P2RX4: variants seen among roughly 807,000 people sequenced by gnomAD.
P2RX4 encodes the protein P2X purinoceptor 4.
In P2RX4, 37 loss-of-function variants were observed where a neutral mutation model predicts 48.0. The ratio of observed to expected loss-of-function variants is 0.77; its 90% CI spans 0.59 to 1.01. P2RX4 has a LOEUF of 1.01. Ranked by LOEUF, P2RX4 falls within the 50% of genes least tolerant of loss-of-function variation. P2RX4 has a pLI of 0.00. For missense variants in P2RX4, 501 were observed against 521.4 expected (o/e 0.96, Z 0.38); for synonymous variants, 200 against 199.7 (o/e 1.00, Z -0.01).
intron 1 of P2RX4, chr12:121,212,822 A>ATTTTTTTTTTT (rs1358375217): frequency 7.0e-5 from 3 of 42,806 alleles, no homozygotes; most frequent in African/African-American, 1.4e-4. Flanking sequence ...ATATATATAT[A>ATTTTTTTTTTT]TATTTTTTTT....
Position 121,231,418 on chromosome 12 carries a change from C to T in P2RX4, c.885-996C>T, listed in dbSNP as rs554634079. 3.9e-4 allele frequency among the ~76,000 whole-genome samples: 59 copies of T among 152,198 alleles called. 1 individual carries two copies. The Middle Eastern group carries it at 0.01, about 26-fold the overall frequency. ...GGCTTCACCACAGTCGATTTTAGAA[C>T]ATTTCCGTCATCTCAAAAAGAAACC... On this transcript the variant is annotated intron_variant, in intron 8 of 11. Coordinates refer to ENST00000337233, the MANE Select transcript of P2RX4 (RefSeq NM_002560.3).
At chr12:121,219,784 T>G (rs997614052) in intron 2 of P2RX4, among the ~76,000 whole-genome samples, 1 of 151,808 alleles carries the variant, frequency 6.6e-6, no homozygotes, top group South Asian at 2.1e-4. Flanking sequence ...AGATAGGTGA[T>G]AGATAATCGA....
At chr12:121,223,121 T>C in intron 5 of P2RX4, 78 bp downstream of exon 5, 1 of 887,954 alleles carries the variant, frequency 1.1e-6, no homozygotes, top group Non-Finnish European at 1.8e-6. Flanking sequence ...TATCCCAGGT[T>C]GGAGTGCAGT....
intron 5 of P2RX4, among the ~76,000 whole-genome samples, chr12:121,227,303 C>T (rs1413760744): frequency 6.6e-6 from 1 of 152,202 alleles, no homozygotes; most frequent in Non-Finnish European, 1.5e-5. Flanking sequence ...AAGGGTTAGC[C>T]ATACAGTGCC....
In P2RX4 at chr12:121,234,093, C is replaced by A. The variant is rs562202345; in HGVS notation, c.*544C>A. On this transcript the variant is annotated 3_prime_UTR_variant, in exon 12 of 12. Transcript: ENST00000337233. Reference sequence around the variant, plus strand: ...GGTGATCGAGGACCAGACATTAAAGCGTGATTTTCTTAATCCCTGTCTGTT... The same window carrying A: ...GGTGATCGAGGACCAGACATTAAAGAGTGATTTTCTTAATCCCTGTCTGTT... 1 of 158,124 alleles carries A rather than the reference C, an allele frequency of 6.3e-6. No homozygotes were observed. Among genetic ancestry groups the A allele is most frequent in the South Asian group, 1.9e-4 (1 of 5,318 alleles). 9.8% of individuals were successfully genotyped at this position (158,124 alleles called of 1,614,324 possible).
In P2RX4 at chr12:121,210,311, CCG is replaced by C. The variant is rs1885733843; in HGVS notation, c.134+18_134+19del. ...CCTACGTCATCGGGTGAGCGTGGGG[CCG>C]CGCGGGGGGCGCGGCGGGTGCTGCC... is the stretch of plus-strand genomic sequence containing the variant. On this transcript the variant is annotated intron_variant, in intron 1 of 11. Coordinates refer to ENST00000337233, the MANE Select transcript of P2RX4 (RefSeq NM_002560.3). 1 of 1,510,972 alleles carries C rather than the reference CCG, an allele frequency of 6.6e-7. No individual in the cohort carries two copies. Among genetic ancestry groups the C allele is most frequent in the Non-Finnish European group, 8.8e-7 (1 of 1,134,184 alleles). 93.6% of individuals were successfully genotyped at this position (1,510,972 alleles called of 1,614,324 possible). A position where few individuals can be genotyped will look rare whatever the true frequency, so the allele number is the denominator to read the frequency against.
Position 121,222,003 on chromosome 12 carries a change from G to A in P2RX4, c.354+19G>A. On this transcript the variant is annotated intron_variant, in intron 3 of 11. Coordinates refer to ENST00000337233, the MANE Select transcript of P2RX4 (RefSeq NM_002560.3). Reference sequence around the variant, plus strand: ...CCCCGAGGTAGGAGGCCCCCGGGAAGAGCCCCAGGCCCCACACCCCTCTCC... The same window carrying A: ...CCCCGAGGTAGGAGGCCCCCGGGAAAAGCCCCAGGCCCCACACCCCTCTCC... 1 of 1,612,570 alleles carries A rather than the reference G, an allele frequency of 6.2e-7. No homozygotes were observed. Among genetic ancestry groups the A allele is most frequent in the Non-Finnish European group, 8.5e-7 (1 of 1,178,538 alleles).
At chr12:121,225,390 T>C (rs1886915533) in intron 5 of P2RX4, among the ~76,000 whole-genome samples, 1 of 149,892 alleles carries the variant, frequency 6.7e-6, no homozygotes, top group East Asian at 2.0e-4. Flanking sequence ...TGTTTATTAT[T>C]TATTTATTTT....
chr12:121,224,357 A>G (rs2136233599), intron 5 of P2RX4, among the ~76,000 whole-genome samples: 1 of 152,256 alleles, frequency 6.6e-6, no homozygotes, highest in Middle Eastern at 3.4e-3. Flanking sequence ...TAATCCTAAC[A>G]CTTTGGGAGG....
intron 4 of P2RX4, 85 bp downstream of exon 4, chr12:121,222,251 A>G (rs1399147784): frequency 1.0e-6 from 1 of 980,814 alleles, no homozygotes; most frequent in Non-Finnish European, 1.6e-6. Context: ...AAATCTTCCC[A>G]ATTCCTTCAC....
intron 4 of P2RX4, chr12:121,222,672 A>G: frequency 8.2e-7 from 1 of 1,220,628 alleles, no homozygotes; most frequent in Non-Finnish European, 1.1e-6. Context: ...TCAGCCTCCC[A>G]AAGTGCTAGG....
At position 121,223,062 on chromosome 12, in the gene P2RX4, A is replaced by C; in HGVS notation, c.524+19A>C. The C allele has an allele frequency of 6.7e-7, 1 of 1,501,790 alleles. No homozygotes were observed. Among genetic ancestry groups the C allele is most frequent in the Non-Finnish European group, 9.3e-7 (1 of 1,078,494 alleles). The allele number at this position is 1,501,790 out of a possible 1,614,324, so 93.0% of individuals were successfully genotyped here. A position where few individuals can be genotyped will look rare whatever the true frequency, so the allele number is the denominator to read the frequency against. On this transcript the variant is annotated intron_variant, in intron 5 of 11. Coordinates refer to ENST00000337233, the MANE Select transcript of P2RX4 (RefSeq NM_002560.3). The stretch of plus-strand genomic sequence containing the variant: ...TGCCACAGTGAGTCCAGCCCTAGGG[A>C]AGGAAGTGCCTTTTTGTTTTGTTTT...
rs1289368066 is a variant in P2RX4, at chr12:121,228,879, C to A, written c.747+13C>A. On this transcript the variant is annotated intron_variant, in intron 7 of 11. Coordinates refer to ENST00000337233, the MANE Select transcript of P2RX4 (RefSeq NM_002560.3). Reference sequence around the variant, plus strand: ...CATGGCCGTGGAGGTGGGTGCGGGCCCTGGCTCTCCTGACCCAGCCCTGGA... The same window carrying A: ...CATGGCCGTGGAGGTGGGTGCGGGCACTGGCTCTCCTGACCCAGCCCTGGA... 9 of 1,613,976 alleles carry A rather than the reference C, an allele frequency of 5.6e-6. No individual in the cohort carries two copies. The highest frequency in any genetic ancestry group is 7.6e-6 in the Non-Finnish European group (9 of 1,180,028).
rs199523376 is a variant in P2RX4 at position 121,217,189 on chromosome 12, G to T, written c.190G>T (p.Val64Phe). The change falls in exon 2 of 12, where the codon GTT becomes TTT. Residue 64 changes from valine to phenylalanine, a missense_variant. Val to Phe is a conservative substitution (Grantham distance 50). This residue lies in a region of P2RX4 where 295 missense variants were observed against 275.3 expected (regional missense o/e 1.07). Coordinates refer to ENST00000337233, the MANE Select transcript of P2RX4 (RefSeq NM_002560.3). The stretch of plus-strand genomic sequence containing the variant: ...GGAAACTGACTCCGTGGTCAGCTCC[G>T]TTACGACCAAGGTCAAGGGCGTGGC... The part of the protein sequence containing the change: ...YQETDSVVSS[V>F]TTKVKGVAVT... 3.7e-6 allele frequency: 6 copies of T among 1,614,104 alleles called. No homozygotes were observed. Among genetic ancestry groups the T allele is most frequent in the African/African-American group, 1.3e-5 (1 of 74,940 alleles).
chr12:121,219,577 G>GTGGATGGATGGATGGA (rs767985861), intron 2 of P2RX4, among the ~76,000 whole-genome samples: 117 of 139,710 alleles, frequency 8.4e-4, no homozygotes, highest in African/African-American at 2.1e-3. Flanking sequence ...TGGATGGGTG[G>GTGGATGGATGGATGGA]TGGATGGATG....
At chr12:121,213,156 G>T (rs1482010948) in intron 1 of P2RX4, 1 of 152,176 alleles carries the variant, frequency 6.6e-6, no homozygotes, top group Admixed American at 6.5e-5. Context: ...GCTGGGCACA[G>T]TGGCTCATGC....
chr12:121,221,520 A>C (rs538532048), intron 2 of P2RX4, among the ~76,000 whole-genome samples: 25 of 151,348 alleles, frequency 1.7e-4, no homozygotes, highest in African/African-American at 5.8e-4. Flanking sequence ...CAGCCTCCCA[A>C]GTAGCTGGGA....
chr12:121,221,180 G>T (rs1255761531), intron 2 of P2RX4, among the ~76,000 whole-genome samples: 71 of 144,536 alleles, frequency 4.9e-4, no homozygotes, highest in African/African-American at 1.7e-3. Context: ...GTGTGTGTGT[G>T]TGTGTGTGTG....
Position 121,222,075 on chromosome 12 carries a change from T to C in P2RX4, c.355-19T>C. 6.2e-7 allele frequency: 1 copy of C among 1,611,044 alleles called. No homozygotes were observed. The highest frequency in any genetic ancestry group is 1.1e-5 in the South Asian group (1 of 91,020). On this transcript the variant is annotated intron_variant, in intron 3 of 11. Coordinates refer to ENST00000337233, the MANE Select transcript of P2RX4 (RefSeq NM_002560.3). ...GGGCCGGGCCACGTGGACTTTCTTT[T>C]CGCTCCTTCTTTTTCCAGATTCCAG...
Sources: allele counts gnomAD v4.1 joint callset (sites outside exome capture counted in the v4.1 genomes callset), GRCh38; gene constraint gnomAD v4.1.1; regional missense constraint gnomAD v4.1.1; transcripts MANE v1.5; gene names NCBI Gene and HGNC (gene_info 2026-07-23, HGNC 2026-07-21).